The following ZBTB20 variants were observed in gnomAD, a reference collection of about 807,000 sequenced individuals.
The protein encoded by ZBTB20 is zinc finger and BTB domain-containing protein 20.
Under a neutral mutation model 56.9 loss-of-function variants are expected in ZBTB20, and 9 were observed. The observed-to-expected ratio is 0.16, with a 90% CI of 0.10 to 0.28. ZBTB20 has a LOEUF of 0.28. ZBTB20 is among the 10% of genes least tolerant of loss of function. The probability of loss-of-function intolerance (pLI) is 1.00; values close to 1 mark genes in which losing one functional copy is unlikely to be tolerated. For missense variants in ZBTB20, 655 were observed against 1,003.0 expected (o/e 0.65, Z 4.69); for synonymous variants, 417 against 420.7 (o/e 0.99, Z 0.11).
chr3:114,823,289 A>G (rs1184295277), intron 4 of ZBTB20, among the ~76,000 whole-genome samples: 2 of 152,118 alleles, frequency 1.3e-5, no homozygotes, highest in African/African-American at 2.4e-5. Context: ...GTTGCCCTGG[A>G]GTAGTGTACA....
intron 6 of ZBTB20, among the ~76,000 whole-genome samples, chr3:114,508,183 T>C (rs1188194177): frequency 6.6e-6 from 1 of 152,130 alleles, no homozygotes; most frequent in African/African-American, 2.4e-5. Context: ...GGAGAACCAC[T>C]AAACAATTCC....
At chr3:114,655,770 C>A (rs531444005) in intron 6 of ZBTB20, among the ~76,000 whole-genome samples, 1 of 152,210 alleles carries the variant, frequency 6.6e-6, no homozygotes, top group East Asian at 1.9e-4. Flanking sequence ...CCACCCAGTA[C>A]TTTGTAGTAT....
Position 114,330,112 on chromosome 3 carries a change from C to T in ZBTB20, c.*8893G>A, listed in dbSNP as rs1270969274. 6.6e-6 allele frequency: 1 copy of T among 152,182 alleles called. No homozygotes were observed. Among genetic ancestry groups the T allele is most frequent in the African/African-American group, 2.4e-5 (1 of 41,448 alleles). The allele number at this position is 152,182 out of a possible 1,614,324, so 9.4% of individuals were successfully genotyped here. On this transcript the variant is annotated 3_prime_UTR_variant, in exon 12 of 12. Coordinates refer to ENST00000675478, the MANE Select transcript of ZBTB20 (RefSeq NM_001348800.3). ...AAACAAGATCACTTTGAATATGAAC[C>T]TCTTTGTATTAGTCACACCAACAAA...
At chr3:114,808,822 A>C (rs1284801777) in intron 4 of ZBTB20, among the ~76,000 whole-genome samples, 3 of 151,956 alleles carry the variant, frequency 2.0e-5, no homozygotes, top group Non-Finnish European at 4.4e-5. Flanking sequence ...TTATCATTTC[A>C]TTTCCACTTA....
chr3:115,123,035 T>C (rs958224100), intron 1 of ZBTB20, among the ~76,000 whole-genome samples: 6 of 152,222 alleles, frequency 3.9e-5, no homozygotes, highest in Middle Eastern at 3.4e-3. Context: ...ATTATTGCTC[T>C]TTTTTTCAAA....
intron 4 of ZBTB20, among the ~76,000 whole-genome samples, chr3:114,824,953 TGACC>T (rs2073447367): frequency 6.6e-6 from 1 of 151,976 alleles, no homozygotes; most frequent in East Asian, 1.9e-4. Flanking sequence ...TTGTAATTTG[TGACC>T]AATGAGGTTT....
intron 7 of ZBTB20, among the ~76,000 whole-genome samples, chr3:114,403,555 C>T (rs748413296): frequency 2.6e-5 from 4 of 151,534 alleles, no homozygotes; most frequent in Non-Finnish European, 4.4e-5. Flanking sequence ...GATCAGGCCA[C>T]GTTTATAGGT....
At chr3:114,437,926 C>G (rs1342658400) in intron 7 of ZBTB20, among the ~76,000 whole-genome samples, 1 of 152,116 alleles carries the variant, frequency 6.6e-6, no homozygotes, top group Non-Finnish European at 1.5e-5. Flanking sequence ...CCATCCATCT[C>G]TGGGGTCTGC....
chr3:114,829,774 G>T (rs983430445), intron 4 of ZBTB20, among the ~76,000 whole-genome samples: 3 of 151,838 alleles, frequency 2.0e-5, no homozygotes, highest in Non-Finnish European at 4.4e-5. Context: ...GCATATGGCA[G>T]GTCTTACTCA....
intron 6 of ZBTB20, among the ~76,000 whole-genome samples, chr3:114,655,401 C>T (rs890693121): frequency 2.7e-5 from 4 of 150,738 alleles, no homozygotes; most frequent in Middle Eastern, 3.4e-3. Context: ...TACAGGCGCC[C>T]GCCACCGCGC....
At chr3:114,852,858 T>A (rs2075069117) in intron 4 of ZBTB20, among the ~76,000 whole-genome samples, 1 of 152,200 alleles carries the variant, frequency 6.6e-6, no homozygotes, top group East Asian at 1.9e-4. Flanking sequence ...AGTTTCTTTT[T>A]GGTACCATAT....
Position 114,358,277 on chromosome 3 carries a change from T to C in ZBTB20, c.200-6399A>G, listed in dbSNP as rs368107396. ...TTCCCTTTCTTCCTTTTTGCTGTCA[T>C]ACCACGAAGTTTTACTAAGTTTGAA... is the stretch of plus-strand genomic sequence containing the variant. On this transcript the variant is annotated intron_variant, in intron 10 of 11. Transcript: ENST00000675478. Among the ~76,000 whole-genome samples the C allele has an allele frequency of 1.4e-3, 209 of 152,322 alleles. 10 individuals carry two copies. The South Asian group carries it at 0.04, about 29-fold the overall frequency.
chr3:114,561,710 A>G (rs531500126), intron 6 of ZBTB20, among the ~76,000 whole-genome samples: 51 of 152,106 alleles, frequency 3.4e-4, no homozygotes, highest in African/African-American at 1.2e-3. Flanking sequence ...TAGATTTAAC[A>G]TAATTCCTAA....
chr3:114,968,561 T>A (rs1386597284), intron 3 of ZBTB20, among the ~76,000 whole-genome samples: 1 of 151,902 alleles, frequency 6.6e-6, no homozygotes, highest in East Asian at 1.9e-4. Context: ...AGTACACACA[T>A]CCAAAAGGGA....
chr3:114,453,411 A>AG (rs1467141203), intron 7 of ZBTB20, among the ~76,000 whole-genome samples: 2 of 152,184 alleles, frequency 1.3e-5, no homozygotes, highest in Non-Finnish European at 2.9e-5. Context: ...GGTACCTTTT[A>AG]AACAGATGGA....
intron 4 of ZBTB20, among the ~76,000 whole-genome samples, chr3:114,825,749 C>T (rs1311164978): frequency 2.0e-5 from 3 of 151,818 alleles, no homozygotes; most frequent in African/African-American, 7.2e-5. Context: ...TTCAGCACAT[C>T]AGTGCAGTAT....
At chr3:114,748,376 C>CTCTCTCTCTCTCTCTCTCTT (rs1560202695) in intron 5 of ZBTB20, among the ~76,000 whole-genome samples, 3 of 146,334 alleles carry the variant, frequency 2.1e-5, no homozygotes, top group Non-Finnish European at 3.0e-5. Flanking sequence ...CTCTCTCTCT[C>CTCTCTCTCTCTCTCTCTCTT]TCTTTCTTTC....
chr3:114,777,693 C>T (rs560060709), intron 5 of ZBTB20, among the ~76,000 whole-genome samples: 13 of 152,168 alleles, frequency 8.5e-5, no homozygotes, highest in Admixed American at 3.9e-4. Context: ...GTGGCGATTC[C>T]GCAGGGGTCT....
chr3:114,829,861 G>A (rs932143755), intron 4 of ZBTB20, among the ~76,000 whole-genome samples: 3 of 151,758 alleles, frequency 2.0e-5, no homozygotes, highest in African/African-American at 7.3e-5. Context: ...TAAAGGATCT[G>A]TATATCATGT....
Sources: allele counts gnomAD v4.1 joint callset (sites outside exome capture counted in the v4.1 genomes callset), GRCh38; gene constraint gnomAD v4.1.1; transcripts MANE v1.5; gene names NCBI Gene and HGNC (gene_info 2026-07-23, HGNC 2026-07-21).